FBXL5: variants seen among roughly 807,000 people sequenced by gnomAD.
FBXL5 encodes F-box/LRR-repeat protein 5.
Under a neutral mutation model 78.3 loss-of-function variants are expected in FBXL5, and 26 were observed. The ratio of observed to expected loss-of-function variants is 0.33; its 90% confidence interval spans 0.24 to 0.46. FBXL5 has a LOEUF of 0.46. Among genes scored for constraint, FBXL5 ranks in the 20% least tolerant of loss-of-function variants. The pLI is 1.00. For missense variants in FBXL5, 710 were observed against 829.2 expected (o/e 0.86, Z 1.77); for synonymous variants, 295 against 282.5 (o/e 1.04, Z -0.45).
At chr4:15,677,054 G>A (rs1488038508) in intron 1 of FBXL5, among the ~76,000 whole-genome samples, 2 of 152,032 alleles carry the variant, frequency 1.3e-5, no homozygotes, top group East Asian at 1.9e-4. Flanking sequence ...GGTTTATTTC[G>A]GATATACCGC....
At chr4:15,668,063 G>A (rs912677222) in intron 1 of FBXL5, among the ~76,000 whole-genome samples, 3 of 150,762 alleles carry the variant, frequency 2.0e-5, no homozygotes, top group African/African-American at 7.3e-5. Context: ...AAAAACAGAT[G>A]GTCAATTTAA....
intron 9 of FBXL5, among the ~76,000 whole-genome samples, chr4:15,614,911 G>C (rs570339502): frequency 1.3e-5 from 2 of 152,298 alleles, no homozygotes; most frequent in South Asian, 2.1e-4. Context: ...GGGAGGTGTA[G>C]AGGGACAGGC....
chr4:15,646,927 T>C (rs771910350), intron 1 of FBXL5, among the ~76,000 whole-genome samples: 3 of 151,638 alleles, frequency 2.0e-5, no homozygotes, highest in Non-Finnish European at 4.4e-5. Context: ...TTCAACCAAC[T>C]GTGGATTGAA....
chr4:15,677,861 C>G (rs1307244946), intron 1 of FBXL5, among the ~76,000 whole-genome samples: 1 of 152,114 alleles, frequency 6.6e-6, no homozygotes, highest in Admixed American at 6.6e-5. Context: ...TGGAAGAAGT[C>G]CAAGTAGGTT....
intron 5 of FBXL5, among the ~76,000 whole-genome samples, chr4:15,633,169 C>T (rs1032130264): frequency 2.0e-5 from 3 of 152,066 alleles, no homozygotes; most frequent in Non-Finnish European, 4.4e-5. Context: ...TCATATTTTC[C>T]CAAAGTAAAT....
chr4:15,640,962 T>C lies in FBXL5; in HGVS notation c.301-79A>G, dbSNP rs1714804159. ...GTCTGGTCCCAGGAAGTTTAAAATG[T>C]GACATAAAACCTCCGGGGAAAAAAA... On this transcript the variant is annotated intron_variant, in intron 2 of 10. Coordinates refer to ENST00000341285, the MANE Select transcript of FBXL5 (RefSeq NM_012161.4). 3 of 740,302 alleles carry C rather than the reference T, an allele frequency of 4.1e-6. No homozygotes were observed. In the East Asian group the frequency reaches 9.0e-5, roughly 22 times the overall value. 45.9% of individuals were successfully genotyped at this position (740,302 alleles called of 1,614,324 possible).
chr4:15,677,862 C>T (rs1718052733), intron 1 of FBXL5, among the ~76,000 whole-genome samples: 1 of 152,114 alleles, frequency 6.6e-6, no homozygotes, highest in Non-Finnish European at 1.5e-5. Context: ...GGAAGAAGTC[C>T]AAGTAGGTTG....
chr4:15,661,227 T>A (rs943332348), upstream of FBXL5, among the ~76,000 whole-genome samples: 3 of 152,332 alleles, frequency 2.0e-5, no homozygotes, highest in East Asian at 1.9e-4. Flanking sequence ...GTGTGCAAGG[T>A]TGTAACAAAA....
At chr4:15,613,295 T>C (rs1722395250) in intron 9 of FBXL5, among the ~76,000 whole-genome samples, 1 of 152,206 alleles carries the variant, frequency 6.6e-6, no homozygotes, top group Non-Finnish European at 1.5e-5. Flanking sequence ...CCTGTAAATA[T>C]ACTAAAAATC....
At chr4:15,649,124 C>T (rs897965516) in intron 1 of FBXL5, among the ~76,000 whole-genome samples, 1 of 151,600 alleles carries the variant, frequency 6.6e-6, no homozygotes, top group African/African-American at 2.4e-5. Flanking sequence ...TATATTAAAT[C>T]CTCAACATGT....
At chr4:15,633,050 AT>A (rs1339590356) in intron 5 of FBXL5, among the ~76,000 whole-genome samples, 1 of 152,220 alleles carries the variant, frequency 6.6e-6, no homozygotes, top group Non-Finnish European at 1.5e-5. Flanking sequence ...ATATTTAATT[AT>A]GGTTAAAAAA....
upstream of FBXL5, among the ~76,000 whole-genome samples, chr4:15,659,355 TATTTAAAGTCCTA>T (rs1316722627): frequency 1.3e-5 from 2 of 152,182 alleles, no homozygotes; most frequent in Non-Finnish European, 2.9e-5. Flanking sequence ...AAACAAGCTA[TATTTAAAGTCCTA>T]ATTTCAACAA....
intron 9 of FBXL5, among the ~76,000 whole-genome samples, chr4:15,620,748 C>A (rs977987369): frequency 6.6e-6 from 1 of 152,224 alleles, no homozygotes; most frequent in Non-Finnish European, 1.5e-5. Context: ...GCTGGAAGGT[C>A]GGGGGTTTAC....
intron 1 of FBXL5, among the ~76,000 whole-genome samples, chr4:15,678,330 AAT>A (rs1420182648): frequency 6.6e-6 from 1 of 152,192 alleles, no homozygotes; most frequent in African/African-American, 2.4e-5. Context: ...CTTATTTCCC[AAT>A]AACTTACTCA....
chr4:15,644,879 A>G (rs1467773358), intron 1 of FBXL5, among the ~76,000 whole-genome samples, 171 bp from the exon 2 acceptor site: 2 of 152,240 alleles, frequency 1.3e-5, no homozygotes, highest in Admixed American at 1.3e-4. Context: ...GGTATAATAA[A>G]AAGTGCACTA....
intron 1 of FBXL5, among the ~76,000 whole-genome samples, chr4:15,680,693 AT>A (rs1475537694): frequency 1.3e-5 from 2 of 151,924 alleles, no homozygotes; most frequent in Non-Finnish European, 2.9e-5. Flanking sequence ...AAAAAAAAAA[AT>A]CCAGTTGGAG....
chr4:15,680,852 A>G, intron 1 of FBXL5, among the ~76,000 whole-genome samples: 1 of 149,154 alleles, frequency 6.7e-6, no homozygotes, highest in East Asian at 1.9e-4. Flanking sequence ...GGTAGAATTT[A>G]AAAAAAAACT....
At chr4:15,624,068 C>T (rs1712761513) in intron 9 of FBXL5, among the ~76,000 whole-genome samples, 1 of 152,096 alleles carries the variant, frequency 6.6e-6, no homozygotes, top group Admixed American at 6.5e-5. Flanking sequence ...TCGTGATCCA[C>T]CAGCCTTGGC....
chr4:15,639,840 T>C (rs1166712646), intron 3 of FBXL5, among the ~76,000 whole-genome samples: 1 of 152,224 alleles, frequency 6.6e-6, no homozygotes, highest in African/African-American at 2.4e-5. Flanking sequence ...ATCAATTTGA[T>C]TATAAGGTGA....
Sources: allele counts gnomAD v4.1 joint callset (sites outside exome capture counted in the v4.1 genomes callset), GRCh38; gene constraint gnomAD v4.1.1; transcripts MANE v1.5; gene names NCBI Gene and HGNC (gene_info 2026-07-23, HGNC 2026-07-21).